The following MBD5 variants were observed in gnomAD, a reference collection of about 807,000 sequenced individuals.
MBD5 encodes the protein methyl-CpG-binding domain protein 5.
A neutral mutation model predicts 117.3 loss-of-function variants in MBD5; 13 were observed. The observed-to-expected ratio is 0.11, with a 90% CI of 0.07 to 0.18. The LOEUF (loss-of-function observed/expected upper bound fraction) is 0.18, where lower values mean the gene tolerates loss of function less well. Among genes scored for constraint, MBD5 ranks in the 10% least tolerant of loss-of-function variants. The pLI is 1.00. For missense variants in MBD5, 1,879 were observed against 2,093.8 expected (o/e 0.90, Z 2.00); for synonymous variants, 727 against 766.4 (o/e 0.95, Z 0.85).
rs1359345537 is a variant in MBD5, at chr2:148,386,076, G to A, written c.-557+43740G>A. Among the ~76,000 whole-genome samples the A allele has an allele frequency of 5.3e-5, 8 of 151,468 alleles. No homozygotes were observed. The East Asian group carries it at 7.8e-4, about 15-fold the overall frequency. ...GTATACATATGTAACAAACCTGCAC[G>A]TTGTGCACATGTCCCCTAAAACTTA... On this transcript the variant is annotated intron_variant, in intron 4 of 13. Transcript: ENST00000642680.
intron 4 of MBD5, among the ~76,000 whole-genome samples, chr2:148,380,792 C>T (rs1021510603): frequency 6.6e-6 from 1 of 152,114 alleles, no homozygotes; most frequent in Admixed American, 6.5e-5. Context: ...AACGATCAGG[C>T]GGCAGCATTT....
At chr2:148,152,072 G>C (rs1472083442) in intron 1 of MBD5, among the ~76,000 whole-genome samples, 1 of 151,310 alleles carries the variant, frequency 6.6e-6, no homozygotes, top group Non-Finnish European at 1.5e-5. Context: ...TCTCTTGTGG[G>C]CATTTAGTGC....
chr2:148,396,613 T>A (rs1253182068), intron 4 of MBD5, among the ~76,000 whole-genome samples: 1 of 152,236 alleles, frequency 6.6e-6, no homozygotes, highest in Non-Finnish European at 1.5e-5. Flanking sequence ...AGACTTATTC[T>A]CCACCTTGCT....
intron 3 of MBD5, among the ~76,000 whole-genome samples, chr2:148,234,530 G>C (rs952207280): frequency 6.6e-6 from 1 of 152,110 alleles, no homozygotes; most frequent in African/African-American, 2.4e-5. Context: ...GATCACCAAA[G>C]AAAAAGCAGC....
chr2:148,205,146 G>A lies in MBD5; in HGVS notation c.-831+26353G>A, dbSNP rs182282770. ...GGCTAGAGTGCAGTGGCGTAATCTC[G>A]GCTCACTGTAACCTCCACTTCCCAG... On this transcript the variant is annotated intron_variant, in intron 2 of 13. Transcript: ENST00000642680. 3.3e-5 allele frequency among the ~76,000 whole-genome samples: 5 copies of A among 151,634 alleles called. 1 individual carries two copies. Among genetic ancestry groups the A allele is most frequent in the Non-Finnish European group, 7.4e-5 (5 of 67,932 alleles).
At chr2:148,269,625 G>A (rs2106335478) in intron 3 of MBD5, among the ~76,000 whole-genome samples, 1 of 146,422 alleles carries the variant, frequency 6.8e-6, no homozygotes, top group Non-Finnish European at 1.5e-5. Flanking sequence ...TTATCTAGTG[G>A]TCCAAAACTT....
chr2:148,432,681 G>A (rs560642386), intron 4 of MBD5, among the ~76,000 whole-genome samples: 6 of 152,100 alleles, frequency 3.9e-5, no homozygotes, highest in South Asian at 4.1e-4. Context: ...GGTTGTAGGC[G>A]TGCAGCTTTA....
chr2:148,271,415 G>C (rs1455171025), intron 3 of MBD5, among the ~76,000 whole-genome samples: 1 of 152,094 alleles, frequency 6.6e-6, no homozygotes, highest in Non-Finnish European at 1.5e-5. Context: ...ATTTATAAAT[G>C]ACTTTTTGAA....
intron 4 of MBD5, among the ~76,000 whole-genome samples, chr2:148,373,389 A>C (rs1473462968): frequency 6.6e-6 from 1 of 152,138 alleles, no homozygotes; most frequent in Non-Finnish European, 1.5e-5. Flanking sequence ...TAACACAGTA[A>C]TGAACCTTGC....
At chr2:148,224,374 C>T (rs754955080) in intron 2 of MBD5, among the ~76,000 whole-genome samples, 7 of 151,924 alleles carry the variant, frequency 4.6e-5, no homozygotes, top group African/African-American at 7.3e-5. Flanking sequence ...GATGGAGTCT[C>T]GCTCCGTCAC....
chr2:148,516,007 A>T lies in MBD5; in HGVS notation c.*3066A>T, dbSNP rs1574511619. ...TTCATCCCTTGTGATATCATGGGCC[A>T]CTTTTAGTCTTTTATTTGGACCCTG... On this transcript the variant is annotated 3_prime_UTR_variant, in exon 14 of 14. Transcript: ENST00000642680. 1 of 152,204 alleles carries T rather than the reference A, an allele frequency of 6.6e-6. No homozygotes were observed. The highest frequency in any genetic ancestry group is 2.1e-4 in the South Asian group (1 of 4,820). The allele number at this position is 152,204 out of a possible 1,614,324, so 9.4% of individuals were successfully genotyped here.
chr2:148,349,491 A>G (rs947776282), intron 4 of MBD5, among the ~76,000 whole-genome samples: 6 of 151,946 alleles, frequency 3.9e-5, no homozygotes, highest in African/African-American at 9.7e-5. Context: ...CCCCTTTACT[A>G]TTTATTATGT....
intron 3 of MBD5, among the ~76,000 whole-genome samples, chr2:148,275,937 G>A (rs1701101817): frequency 6.6e-6 from 1 of 151,866 alleles, no homozygotes; most frequent in South Asian, 2.1e-4. Flanking sequence ...ATTTTTCATA[G>A]TTTCAAAGTT....
At chr2:148,106,755 A>G (rs1424697599) in intron 1 of MBD5, among the ~76,000 whole-genome samples, 4 of 151,950 alleles carry the variant, frequency 2.6e-5, no homozygotes, top group African/African-American at 7.2e-5. Context: ...GTACTTTTCA[A>G]TTTATGTGCA....
chr2:148,115,252 A>G (rs573341731), intron 1 of MBD5, among the ~76,000 whole-genome samples: 121 of 152,174 alleles, frequency 8.0e-4, no homozygotes, highest in African/African-American at 2.8e-3. Context: ...TGTGTGCTTT[A>G]TTATTATTTT....
At chr2:148,072,258 G>A (rs556423115) in intron 1 of MBD5, among the ~76,000 whole-genome samples, 2 of 152,194 alleles carry the variant, frequency 1.3e-5, no homozygotes, top group African/African-American at 4.8e-5. Flanking sequence ...GTAGTTACCT[G>A]AAATCTGCAT....
At chr2:148,268,461 A>AT (rs1700910728) in intron 3 of MBD5, among the ~76,000 whole-genome samples, 1 of 151,402 alleles carries the variant, frequency 6.6e-6, no homozygotes, top group Admixed American at 6.6e-5. Flanking sequence ...TTGTATACTT[A>AT]TTTTTTAACA....
chr2:148,158,055 T>G (rs1022593644), intron 1 of MBD5, among the ~76,000 whole-genome samples: 1 of 152,110 alleles, frequency 6.6e-6, no homozygotes, highest in Non-Finnish European at 1.5e-5. Context: ...TATTTTTTAA[T>G]AATTATCCTA....
At chr2:148,426,976 C>G (rs1705813635) in intron 4 of MBD5, among the ~76,000 whole-genome samples, 1 of 152,104 alleles carries the variant, frequency 6.6e-6, no homozygotes, top group Admixed American at 6.6e-5. Context: ...ACAACCCCAT[C>G]AAAAAGTGGG....
Sources: allele counts gnomAD v4.1 joint callset (sites outside exome capture counted in the v4.1 genomes callset), GRCh38; gene constraint gnomAD v4.1.1; transcripts MANE v1.5; gene names NCBI Gene and HGNC (gene_info 2026-07-23, HGNC 2026-07-21).